Variants in ANKRD28 observed in about 807,000 individuals in gnomAD.
The protein encoded by ANKRD28 is serine/threonine-protein phosphatase 6 regulatory ankyrin repeat subunit A.
In ANKRD28, 44 loss-of-function variants were observed where a neutral mutation model predicts 126.5. The ratio of observed to expected loss-of-function variants is 0.35; its 90% confidence interval spans 0.27 to 0.45. ANKRD28 has a LOEUF of 0.45. ANKRD28 is among the 20% of genes least tolerant of loss of function. The probability of loss-of-function intolerance (pLI) is 1.00; values close to 1 mark genes in which losing one functional copy is unlikely to be tolerated. For synonymous variants in ANKRD28, 442 were observed against 468.5 expected, an observed-to-expected ratio of 0.94 and a Z score of 0.73; for missense variants, 1,110 against 1,316.6, an observed-to-expected ratio of 0.84 and a Z score of 2.43.
chr3:15,859,256 G>GA, intron 1 of ANKRD28: 1 of 1,402,696 alleles, frequency 7.1e-7, no homozygotes, highest in Non-Finnish European at 9.4e-7. Context: ...CCCGGGGCAG[G>GA]ACCCCCGTTT....
chr3:15,771,313 G>A (rs1006188282), intron 2 of ANKRD28, among the ~76,000 whole-genome samples: 10 of 151,706 alleles, frequency 6.6e-5, no homozygotes, highest in African/African-American at 2.4e-4. Context: ...GGGAGGCTGA[G>A]GCAGCAGAAT....
intron 4 of ANKRD28, among the ~76,000 whole-genome samples, chr3:15,745,584 C>T (rs1400720355): frequency 6.6e-6 from 1 of 152,116 alleles, no homozygotes; most frequent in African/African-American, 2.4e-5. Context: ...ATTTTTATAC[C>T]AGTACCATGC....
chr3:15,700,269 G>C (rs892579119), intron 14 of ANKRD28, among the ~76,000 whole-genome samples: 11 of 152,140 alleles, frequency 7.2e-5, no homozygotes, highest in African/African-American at 2.7e-4. Flanking sequence ...GACACAGGGA[G>C]GGGAACATCA....
intron 2 of ANKRD28, among the ~76,000 whole-genome samples, chr3:15,777,903 C>CACA (rs1553631647): frequency 6.7e-6 from 1 of 148,890 alleles, no homozygotes; most frequent in African/African-American, 2.5e-5. Flanking sequence ...CACACACACA[C>CACA]CCTCTCCGCC....
intron 1 of ANKRD28, among the ~76,000 whole-genome samples, chr3:15,834,752 AT>A (rs1398421044): frequency 6.6e-6 from 1 of 152,206 alleles, no homozygotes; most frequent in Non-Finnish European, 1.5e-5. Context: ...AAACAAAGCT[AT>A]TTATACATTT....
At chr3:15,844,626 G>A (rs923422431) in intron 1 of ANKRD28, among the ~76,000 whole-genome samples, 4 of 152,216 alleles carry the variant, frequency 2.6e-5, no homozygotes, top group Admixed American at 1.3e-4. Flanking sequence ...CATTAAAAGC[G>A]ATACTTTAAT....
In ANKRD28 at chr3:15,850,224, T is replaced by TATATAGAG. The variant is rs1418223588; in HGVS notation, c.27+9152_27+9153insCTCTATAT. On this transcript the variant is annotated intron_variant, in intron 1 of 27. Transcript: ENST00000399451. The stretch of plus-strand genomic sequence containing the variant: ...AAAAAAATATATATATATATATATA[T>TATATAGAG]AGAGAGAGAGAGAGAGAGAGAGAGA... 1.4e-3 allele frequency among the ~76,000 whole-genome samples: 50 copies of TATATAGAG among 35,104 alleles called. 1 individual carries two copies. The highest frequency in any genetic ancestry group is 2.4e-3 in the Admixed American group (5 of 2,068). The allele number at this position is 35,104 out of a possible 152,430, so 23.0% of individuals were successfully genotyped here. A position where few individuals can be genotyped will look rare whatever the true frequency, so the allele number is the denominator to read the frequency against.
chr3:15,689,773 GAT>G (rs1456417076), intron 18 of ANKRD28: 9 of 361,028 alleles, frequency 2.5e-5, no homozygotes, highest in Non-Finnish European at 4.5e-5. Flanking sequence ...TACTTGGGTT[GAT>G]ATAATACACT....
rs1370258736 is a variant in ANKRD28, at chr3:15,814,328, A to T, written c.28-19022T>A. ...CACAGGCCTGTAGCAGAAAACAGAT[A>T]TCAAAAGAAAGAATACGCTGATCCT... On this transcript the variant is annotated intron_variant, in intron 1 of 27. Coordinates refer to the ANKRD28 transcript ENST00000399451. The surrounding 1 kb of genome is among the most constrained non-coding windows in gnomAD (Gnocchi z 4.7). 4 of 1,266,062 alleles carry T rather than the reference A, an allele frequency of 3.2e-6. No individual in the cohort carries two copies. In the African/African-American group the frequency reaches 6.1e-5, roughly 19 times the overall value. The allele number at this position is 1,266,062 out of a possible 1,614,324, so 78.4% of individuals were successfully genotyped here.
At chr3:15,723,668 G>C (rs1479290108) in intron 7 of ANKRD28, among the ~76,000 whole-genome samples, 15 of 152,136 alleles carry the variant, frequency 9.9e-5, no homozygotes, top group Admixed American at 9.8e-4. Context: ...CTATTCAGGA[G>C]GCTTAGGTGG....
At chr3:15,801,301 T>A (rs1457339202), upstream of ANKRD28, among the ~76,000 whole-genome samples, 2 of 152,156 alleles carry the variant, frequency 1.3e-5, no homozygotes, top group African/African-American at 4.8e-5. This position sits in a 1 kb window ranked among gnomAD's most constrained non-coding sequence, Gnocchi z 4.9. Flanking sequence ...ATTTTTGGGT[T>A]CCTAATTGTT....
chr3:15,855,329 T>C (rs376950811), intron 1 of ANKRD28, among the ~76,000 whole-genome samples: 5 of 152,190 alleles, frequency 3.3e-5, no homozygotes. Context: ...ATGCCAACCC[T>C]GTTTAAAAAA....
chr3:15,848,755 T>C (rs373928059), intron 1 of ANKRD28, among the ~76,000 whole-genome samples: 2 of 151,566 alleles, frequency 1.3e-5, no homozygotes, highest in African/African-American at 4.8e-5. Context: ...ATAAAAACCA[T>C]CTATGAAAAA....
intron 4 of ANKRD28, among the ~76,000 whole-genome samples, chr3:15,737,534 AG>A (rs1310659944): frequency 6.6e-6 from 1 of 152,252 alleles, no homozygotes; most frequent in South Asian, 2.1e-4. Flanking sequence ...GAGCAATCAT[AG>A]CTCACCGTAA....
At chr3:15,844,805 T>C (rs2061496162) in intron 1 of ANKRD28, among the ~76,000 whole-genome samples, 1 of 152,216 alleles carries the variant, frequency 6.6e-6, no homozygotes, top group Non-Finnish European at 1.5e-5. Context: ...GAATTTGTTT[T>C]ATTAAGGGAC....
chr3:15,818,368 G>A (rs1396425168), intron 1 of ANKRD28, among the ~76,000 whole-genome samples: 2 of 152,178 alleles, frequency 1.3e-5, no homozygotes, highest in East Asian at 3.8e-4. Flanking sequence ...TTTGTTTCAT[G>A]CACAAATTTA....
chr3:15,715,548 T>G (rs1334838090), intron 8 of ANKRD28, among the ~76,000 whole-genome samples: 1 of 152,182 alleles, frequency 6.6e-6, no homozygotes, highest in Non-Finnish European at 1.5e-5. Flanking sequence ...TTTACAGAAG[T>G]TCTAATCTTT....
At chr3:15,813,046 C>T (rs555989354) in intron 1 of ANKRD28, among the ~76,000 whole-genome samples, 113 of 129,850 alleles carry the variant, frequency 8.7e-4, no homozygotes, top group African/African-American at 3.9e-3. Context: ...TTAATCACCT[C>T]CTTTTTTTTT....
Position 15,700,565 on chromosome 3 carries a change from A to G in ANKRD28, c.1548-4320T>C, listed in dbSNP as rs567314771. ...CTGAGGCGGGCAGATCATGAGGCCAAGAGATCAAGACCATCCTGGCCAACA... is the reference window on the plus strand; with the variant it reads ...CTGAGGCGGGCAGATCATGAGGCCAGGAGATCAAGACCATCCTGGCCAACA... On this transcript the variant is annotated intron_variant, in intron 14 of 27. Transcript: ENST00000683139. Among the ~76,000 whole-genome samples the G allele has an allele frequency of 5.9e-5, 9 of 152,146 alleles. No homozygotes were observed. In the East Asian group the frequency reaches 1.7e-3, roughly 29 times the overall value.
Sources: allele counts gnomAD v4.1 joint callset (sites outside exome capture counted in the v4.1 genomes callset), GRCh38; gene constraint gnomAD v4.1.1; non-coding constraint Gnocchi (gnomAD v3.1); transcripts MANE v1.5; gene names NCBI Gene and HGNC (gene_info 2026-07-23, HGNC 2026-07-21).